The following CSMD3 variants were observed in gnomAD, a reference collection of about 807,000 sequenced individuals.
CSMD3 encodes the protein CUB and sushi domain-containing protein 3.
CSMD3 carries 177 observed loss-of-function variants against 435.2 expected under a neutral mutation model. The ratio of observed to expected loss-of-function variants is 0.41; its 90% CI spans 0.36 to 0.46. The LOEUF (loss-of-function observed/expected upper bound fraction) is 0.46. Ranked by LOEUF, CSMD3 falls within the 20% of genes least tolerant of loss-of-function variation. CSMD3 has a pLI of 0.34. For missense variants in CSMD3, 4,265 were observed against 4,504.6 expected, an observed-to-expected ratio of 0.95 and a Z score of 1.52; for synonymous variants, 1,656 against 1,520.5, an observed-to-expected ratio of 1.09 and a Z score of -2.07.
chr8:113,099,914 C>A (rs1208573183), intron 4 of CSMD3, among the ~76,000 whole-genome samples: 3 of 151,998 alleles, frequency 2.0e-5, no homozygotes, highest in Admixed American at 6.6e-5. Flanking sequence ...ATTGCCTTGG[C>A]CAACTCAGGG....
At chr8:112,799,420 CAACAT>C (rs1490357767) in intron 13 of CSMD3, among the ~76,000 whole-genome samples, 12 of 151,806 alleles carry the variant, frequency 7.9e-5, no homozygotes, top group African/African-American at 2.7e-4. Context: ...ATAATTCAAG[CAACAT>C]AACATTCTGA....
At chr8:112,735,203 A>G (rs1008986836) in intron 13 of CSMD3, among the ~76,000 whole-genome samples, 11 of 152,082 alleles carry the variant, frequency 7.2e-5, no homozygotes, top group Non-Finnish European at 1.3e-4. Context: ...TTCTGTATAT[A>G]GCGAAGTATG....
intron 54 of CSMD3, 44 bp from the exon 55 acceptor site, chr8:112,292,754 A>G (rs1341992043): frequency 6.4e-7 from 1 of 1,550,594 alleles, no homozygotes; most frequent in Non-Finnish European, 8.9e-7. Context: ...ACACAGAAAA[A>G]AAATATTTAG....
At position 113,247,682 on chromosome 8, in the gene CSMD3, T is replaced by C. The variant is rs190171305; in HGVS notation, c.514+30910A>G. ...ATGTCTTGATTTGGTTGTCATAAAT[T>C]TCAAAGTTACTACATAGAATTAATT... On this transcript the variant is annotated intron_variant, in intron 3 of 70. Coordinates refer to ENST00000297405, the MANE Select transcript of CSMD3 (RefSeq NM_198123.2). 4.6e-5 allele frequency among the ~76,000 whole-genome samples: 7 copies of C among 152,222 alleles called. No homozygotes were observed. The East Asian group carries it at 1.4e-3, about 29-fold the overall frequency.
chr8:112,876,032 T>G (rs2081272406), intron 10 of CSMD3, among the ~76,000 whole-genome samples: 1 of 152,172 alleles, frequency 6.6e-6, no homozygotes, highest in Admixed American at 6.5e-5. Flanking sequence ...TTGCATTGGT[T>G]TTTCCTTATC....
intron 1 of CSMD3, among the ~76,000 whole-genome samples, chr8:113,382,076 T>TA (rs1244717650): frequency 6.6e-6 from 1 of 152,126 alleles, no homozygotes; most frequent in African/African-American, 2.4e-5. Context: ...GATATTACCA[T>TA]AAAAAACATT....
chr8:112,434,404 A>G (rs1814079752), intron 32 of CSMD3, among the ~76,000 whole-genome samples: 1 of 152,116 alleles, frequency 6.6e-6, no homozygotes, highest in Non-Finnish European at 1.5e-5. Context: ...ATTTGCTATC[A>G]TCATCATTGC....
chr8:112,985,624 C>T (rs1180187905), intron 6 of CSMD3, among the ~76,000 whole-genome samples: 8 of 152,092 alleles, frequency 5.3e-5, no homozygotes, highest in Admixed American at 3.9e-4. Context: ...GGTGAGCAAG[C>T]GAGCAAAGCT....
chr8:113,048,753 T>C (rs2131317365), intron 5 of CSMD3, among the ~76,000 whole-genome samples: 1 of 152,272 alleles, frequency 6.6e-6, no homozygotes, highest in South Asian at 2.1e-4. Flanking sequence ...GGTAGATTTG[T>C]CAGTGTTCTT....
At chr8:112,442,035 GT>G (rs1160162926) in intron 32 of CSMD3, among the ~76,000 whole-genome samples, 7 of 152,158 alleles carry the variant, frequency 4.6e-5, no homozygotes, top group African/African-American at 1.7e-4. Flanking sequence ...AAGAAAAGAA[GT>G]TTATTTGGCT....
At chr8:113,205,772 A>G (rs975366221) in intron 3 of CSMD3, among the ~76,000 whole-genome samples, 1 of 152,198 alleles carries the variant, frequency 6.6e-6, no homozygotes, top group Non-Finnish European at 1.5e-5. Flanking sequence ...AACTACATAC[A>G]TTAATTTAGG....
intron 3 of CSMD3, among the ~76,000 whole-genome samples, chr8:113,243,959 T>C (rs2093248655): frequency 6.6e-6 from 1 of 152,196 alleles, no homozygotes; most frequent in Non-Finnish European, 1.5e-5. Flanking sequence ...TTATTTGTAA[T>C]TTTATTTTTC....
At chr8:112,688,574 T>C (rs2076063029) in intron 14 of CSMD3, among the ~76,000 whole-genome samples, 1 of 152,134 alleles carries the variant, frequency 6.6e-6, no homozygotes, top group African/African-American at 2.4e-5. Flanking sequence ...CTTCTATCTG[T>C]ATTTCGTTCT....
intron 3 of CSMD3, among the ~76,000 whole-genome samples, chr8:113,273,356 G>T (rs1161616551): frequency 6.6e-6 from 1 of 151,600 alleles, no homozygotes; most frequent in African/African-American, 2.4e-5. Flanking sequence ...CTTGTTATCG[G>T]TGACTTTGTT....
chr8:112,226,152 G>A (rs747325183), intron 70 of CSMD3, among the ~76,000 whole-genome samples: 61 of 151,964 alleles, frequency 4.0e-4, no homozygotes, highest in Admixed American at 7.2e-4. Flanking sequence ...AAAAATATTA[G>A]GTGATTTCTA....
At chr8:112,365,342 A>G (rs1212498936) in intron 38 of CSMD3, among the ~76,000 whole-genome samples, 1 of 152,142 alleles carries the variant, frequency 6.6e-6, no homozygotes, top group Non-Finnish European at 1.5e-5. Context: ...GCACAAAATC[A>G]GTAGAAGACA....
At chr8:112,967,992 T>C (rs2084488492) in intron 7 of CSMD3, among the ~76,000 whole-genome samples, 1 of 151,878 alleles carries the variant, frequency 6.6e-6, no homozygotes, top group African/African-American at 2.4e-5. Context: ...AATAGCACTG[T>C]CATCTGTTGT....
intron 37 of CSMD3, among the ~76,000 whole-genome samples, chr8:112,381,960 A>G (rs192483153): frequency 3.9e-5 from 6 of 152,238 alleles, no homozygotes; most frequent in African/African-American, 1.4e-4. Context: ...TTATCATTAC[A>G]TTATTATTTT....
At chr8:113,051,826 C>T (rs1242697109) in intron 5 of CSMD3, among the ~76,000 whole-genome samples, 1 of 152,034 alleles carries the variant, frequency 6.6e-6, no homozygotes, top group Non-Finnish European at 1.5e-5. Flanking sequence ...ACCTAACCTT[C>T]AATGAAAAGT....
Sources: allele counts gnomAD v4.1 joint callset (sites outside exome capture counted in the v4.1 genomes callset), GRCh38; gene constraint gnomAD v4.1.1; transcripts MANE v1.5; gene names NCBI Gene and HGNC (gene_info 2026-07-23, HGNC 2026-07-21).